BRD4: variants seen among roughly 807,000 people sequenced by gnomAD.
BRD4 encodes bromodomain-containing protein 4.
A neutral mutation model predicts 142.1 loss-of-function variants in BRD4; 16 were observed. The observed-to-expected ratio is 0.11, with a 90% CI of 0.08 to 0.17. BRD4 has a LOEUF of 0.17. BRD4 is among the 10% of genes least tolerant of loss of function. The pLI, the probability that BRD4 is intolerant of heterozygous loss-of-function variation, is 1.00. For synonymous variants in BRD4, 833 were observed against 707.5 expected, an observed-to-expected ratio of 1.18 and a Z score of -2.82; for missense variants, 1,424 against 1,810.9, an observed-to-expected ratio of 0.79 and a Z score of 3.88.
chr19:15,320,960 A>C (rs1028681679), intron 1 of BRD4, among the ~76,000 whole-genome samples: 4 of 152,222 alleles, frequency 2.6e-5, no homozygotes, highest in African/African-American at 9.6e-5. Flanking sequence ...TGGGCCAGGC[A>C]TAGTGGCTCA....
chr19:15,246,969 C>T lies in BRD4; in HGVS notation c.2159-2207G>A, dbSNP rs1787868456. On this transcript the variant is annotated intron_variant, in intron 11 of 19. Transcript: ENST00000679869. Reference sequence around the variant, plus strand: ...TCAGAGTTACCAGTAAAAGACAAGACAGGAAGTGCACAGCTTCACAACACA... The same window carrying T: ...TCAGAGTTACCAGTAAAAGACAAGATAGGAAGTGCACAGCTTCACAACACA... 3 of 178,992 alleles carry T rather than the reference C, an allele frequency of 1.7e-5. No homozygotes were observed. The Admixed American group carries it at 1.9e-4, about 11-fold the overall frequency. The allele number at this position is 178,992 out of a possible 1,614,324, so 11.1% of individuals were successfully genotyped here. A position where few individuals can be genotyped will look rare whatever the true frequency, so the allele number is the denominator to read the frequency against.
intron 1 of BRD4, among the ~76,000 whole-genome samples, chr19:15,306,395 A>C (rs2047914084): frequency 6.6e-6 from 1 of 152,082 alleles, no homozygotes; most frequent in Admixed American, 6.6e-5. Flanking sequence ...CAGCCTCCCA[A>C]GTAGCTGGGA....
chr19:15,291,229 A>G (rs1372837530), intron 1 of BRD4, among the ~76,000 whole-genome samples: 1 of 152,188 alleles, frequency 6.6e-6, no homozygotes, highest in East Asian at 1.9e-4. Context: ...GAGGCTAGCC[A>G]AACAGCAGGT....
At chr19:15,302,133 C>G (rs911488065) in intron 1 of BRD4, among the ~76,000 whole-genome samples, 2 of 151,824 alleles carry the variant, frequency 1.3e-5, no homozygotes, top group African/African-American at 4.8e-5. Flanking sequence ...CGCCACTGCC[C>G]TCCAGTCTGG....
chr19:15,295,422 G>A (rs1002352911), intron 1 of BRD4, among the ~76,000 whole-genome samples: 4 of 152,164 alleles, frequency 2.6e-5, no homozygotes, highest in African/African-American at 7.2e-5. Context: ...AAGGCTTTCC[G>A]TGTGTCCTCC....
At chr19:15,248,028 C>A (rs2047306622) in intron 11 of BRD4, 1 of 220,124 alleles carries the variant, frequency 4.5e-6, no homozygotes, top group South Asian at 1.8e-4. Flanking sequence ...ATGGTGATAG[C>A]CCACTTCCAG....
At chr19:15,313,718 G>T (rs959834132) in intron 1 of BRD4, among the ~76,000 whole-genome samples, 4 of 152,146 alleles carry the variant, frequency 2.6e-5, no homozygotes, top group Non-Finnish European at 5.9e-5. Context: ...ACTGTTTAAT[G>T]TATTAATATT....
chr19:15,289,176 G>C (rs1568399498), intron 1 of BRD4, among the ~76,000 whole-genome samples: 1 of 152,226 alleles, frequency 6.6e-6, no homozygotes, highest in Non-Finnish European at 1.5e-5. Context: ...GCCCTAAAGA[G>C]ACAACCTAGG....
chr19:15,311,189 G>C (rs1280168338), intron 1 of BRD4, among the ~76,000 whole-genome samples: 1 of 152,134 alleles, frequency 6.6e-6, no homozygotes, highest in African/African-American at 2.4e-5. Context: ...CTACTTGAGA[G>C]GCTGAGGCAC....
chr19:15,303,587 A>T (rs2047889696), intron 1 of BRD4, among the ~76,000 whole-genome samples: 1 of 152,222 alleles, frequency 6.6e-6, no homozygotes, highest in African/African-American at 2.4e-5. Flanking sequence ...ATGCAATACA[A>T]CAATACAATA....
At chr19:15,309,158 C>A (rs1388080791) in intron 1 of BRD4, among the ~76,000 whole-genome samples, 3 of 151,604 alleles carry the variant, frequency 2.0e-5, no homozygotes, top group South Asian at 2.1e-4. Context: ...ACGGCGAAAC[C>A]CCATCTCTAC....
intron 2 of BRD4, among the ~76,000 whole-genome samples, chr19:15,272,597 A>T (rs1431619733): frequency 6.6e-6 from 1 of 152,142 alleles, no homozygotes; most frequent in Non-Finnish European, 1.5e-5. Flanking sequence ...CAGGATTCCA[A>T]TATCTAAGAA....
intron 1 of BRD4, among the ~76,000 whole-genome samples, chr19:15,313,373 TAAAAAA>T (rs33991091): frequency 2.0e-5 from 2 of 99,988 alleles, no homozygotes; most frequent in African/African-American, 8.1e-5. Flanking sequence ...ACTCCATCTT[TAAAAAA>T]AAAAAAAAAA....
At chr19:15,310,212 CCT>C (rs1491555198) in intron 1 of BRD4, among the ~76,000 whole-genome samples, 5 of 79,620 alleles carry the variant, frequency 6.3e-5, no homozygotes, top group African/African-American at 2.4e-4. Flanking sequence ...TTTAAACAGT[CCT>C]TTTTTTTTTT....
intron 1 of BRD4, among the ~76,000 whole-genome samples, chr19:15,304,768 G>T (rs530897257): frequency 1.3e-5 from 2 of 152,182 alleles, no homozygotes; most frequent in East Asian, 3.9e-4. Context: ...CACAGGGCAG[G>T]GATTAGGGTC....
At chr19:15,321,127 G>C (rs1046844741) in intron 1 of BRD4, among the ~76,000 whole-genome samples, 1 of 152,080 alleles carries the variant, frequency 6.6e-6, no homozygotes, top group Non-Finnish European at 1.5e-5. Flanking sequence ...CCAGCTACTC[G>C]GGAGGCTGAG....
At chr19:15,263,726 T>C (rs575260181) in intron 6 of BRD4, among the ~76,000 whole-genome samples, 178 bp from the exon 7 acceptor site, 1 of 152,286 alleles carries the variant, frequency 6.6e-6, no homozygotes, top group South Asian at 2.1e-4. Flanking sequence ...GGGCTGGGAC[T>C]GGCCCTGCCA....
Position 15,308,232 on chromosome 19 carries a change from G to T in BRD4, c.-35+24058C>A, listed in dbSNP as rs1448579640. Among the ~76,000 whole-genome samples the T allele has an allele frequency of 7.0e-5, 10 of 142,912 alleles. 1 individual carries two copies. The highest frequency in any genetic ancestry group is 2.6e-4 in the African/African-American group (10 of 38,582). The allele number at this position is 142,912 out of a possible 152,430, so 93.8% of individuals were successfully genotyped here. A position where few individuals can be genotyped will look rare whatever the true frequency, so the allele number is the denominator to read the frequency against. ...AACTCCCATACCTATCAGCAGTGGG[G>T]TCATGCATGTGACTCACCACTGTAC... On this transcript the variant is annotated intron_variant, in intron 1 of 19. Coordinates refer to ENST00000679869, the MANE Select transcript of BRD4 (RefSeq NM_001379291.1).
intron 10 of BRD4, 24 bp downstream of exon 10, chr19:15,255,273 C>T: frequency 6.3e-7 from 1 of 1,598,794 alleles, no homozygotes. Flanking sequence ...GAAGGAACCC[C>T]ATGCCCAGGG....
Sources: allele counts gnomAD v4.1 joint callset (sites outside exome capture counted in the v4.1 genomes callset), GRCh38; gene constraint gnomAD v4.1.1; transcripts MANE v1.5; gene names NCBI Gene and HGNC (gene_info 2026-07-23, HGNC 2026-07-21).